Variants in HEMK1 observed in about 807,000 individuals in gnomAD.
HEMK1 encodes the protein MTRF1L release factor glutamine methyltransferase.
A neutral mutation model predicts 47.9 loss-of-function variants in HEMK1; 36 were observed. The ratio of observed to expected loss-of-function variants is 0.75; its 90% CI spans 0.58 to 0.99. The LOEUF (loss-of-function observed/expected upper bound fraction) is 0.99. Ranked by LOEUF, HEMK1 falls within the 50% of genes least tolerant of loss-of-function variation. HEMK1 has a pLI of 0.00. For synonymous variants in HEMK1, 153 were observed against 165.4 expected, an observed-to-expected ratio of 0.93 and a Z score of 0.57; for missense variants, 383 against 434.5, an observed-to-expected ratio of 0.88 and a Z score of 1.05.
rs758808984 is a variant in HEMK1 at position 50,594,735 on chromosome 3, C to T, written c.*14318C>T. 2 of 152,222 alleles carry T rather than the reference C, an allele frequency of 1.3e-5. No homozygotes were observed. Among genetic ancestry groups the T allele is most frequent in the Admixed American group, 6.5e-5 (1 of 15,290 alleles). The allele number at this position is 152,222 out of a possible 1,614,324, so 9.4% of individuals were successfully genotyped here. A position where few individuals can be genotyped will look rare whatever the true frequency, so the allele number is the denominator to read the frequency against. On this transcript the variant is annotated 3_prime_UTR_variant, in exon 11 of 11. Transcript: ENST00000232854. ...TCCCTCACCCCTTGGGTGGGACAAC[C>T]GTGGCTTGTGTTTTCTGCCAGCTCC...
rs1312015057 is a variant in HEMK1 at position 50,587,165 on chromosome 3, GGCTGTCCCCT to G, written c.*6751_*6760del. ...CTGAGGCCAGCATAACTAGGTCCTGGGCTGTCCCCTGCAGAGCTTAGCGCAGAAGTTACCT... is the reference window on the plus strand; with the variant it reads ...CTGAGGCCAGCATAACTAGGTCCTGGGCAGAGCTTAGCGCAGAAGTTACCT... On this transcript the variant is annotated 3_prime_UTR_variant, in exon 11 of 11. Transcript: ENST00000232854. The surrounding 1 kb of genome is among the most constrained non-coding windows in gnomAD (Gnocchi z 4.2). 1 of 152,182 alleles carries G rather than the reference GGCTGTCCCCT, an allele frequency of 6.6e-6. No individual in the cohort carries two copies. The highest frequency in any genetic ancestry group is 2.4e-5 in the African/African-American group (1 of 41,402). The allele number at this position is 152,182 out of a possible 1,614,324, so 9.4% of individuals were successfully genotyped here.
chr3:50,581,967 C>A lies in HEMK1; in HGVS notation c.*1550C>A. On this transcript the variant is annotated 3_prime_UTR_variant, in exon 11 of 11. Coordinates refer to ENST00000232854, the MANE Select transcript of HEMK1 (RefSeq NM_016173.5). ...AAGGGGGTGCACAACCAGGGCAAGG[C>A]TCCCCACTTCCTTAGTCCCCCATGC... The A allele has an allele frequency of 6.6e-6, 1 of 152,480 alleles. No homozygotes were observed. Among genetic ancestry groups the A allele is most frequent in the Non-Finnish European group, 1.5e-5 (1 of 68,138 alleles). The allele number at this position is 152,480 out of a possible 1,614,324, so 9.4% of individuals were successfully genotyped here.
At position 50,571,739 on chromosome 3, in the gene HEMK1, C is replaced by T. The variant is rs1421967548; in HGVS notation, c.258C>T (p.Thr86=). The change falls in exon 3 of 11, where the codon ACC becomes ACT. Residue 86 remains threonine (T), a synonymous_variant. Transcript: ENST00000232854. The part of the protein sequence containing the change: ...TFQSLRPALW[T]QPLTSQQLQC... ...AGAGCCTGAGGCCGGCACTTTGGAC[C>T]CAGCCCTTGACCTCTCAGCAACTAC... 6.2e-7 allele frequency: 1 copy of T among 1,614,166 alleles called. No homozygotes were observed. The highest frequency in any genetic ancestry group is 1.1e-5 in the South Asian group (1 of 91,078).
chr3:50,570,048 G>C (rs1489904542), intron 1 of HEMK1: 1 of 152,142 alleles, frequency 6.6e-6, no homozygotes, highest in Admixed American at 6.5e-5. Flanking sequence ...CACCATGCTG[G>C]CCAGGCTGGT....
Position 50,586,463 on chromosome 3 carries a change from G to A in HEMK1, c.*6046G>A, listed in dbSNP as rs2031371495. ...ACAGCTTAGAGTAGCCATGCCCCGT[G>A]GCAGGCAGGCCTGGCTAAGTGGCCC... On this transcript the variant is annotated 3_prime_UTR_variant, in exon 11 of 11. Coordinates refer to ENST00000232854, the MANE Select transcript of HEMK1 (RefSeq NM_016173.5). The A allele has an allele frequency of 6.6e-6, 1 of 152,318 alleles. No individual in the cohort carries two copies. The highest frequency in any genetic ancestry group is 1.5e-5 in the Non-Finnish European group (1 of 68,102). The allele number at this position is 152,318 out of a possible 1,614,324, so 9.4% of individuals were successfully genotyped here. A position where few individuals can be genotyped will look rare whatever the true frequency, so the allele number is the denominator to read the frequency against.
In HEMK1 at chr3:50,591,251, A is replaced by T. The variant is rs1259137322; in HGVS notation, c.*10834A>T. ...ACCTGCAGGCCCATCATTCCTGCAC[A>T]GTCATTTATTAGGCACCAACTGTAA... On this transcript the variant is annotated 3_prime_UTR_variant, in exon 11 of 11. Transcript: ENST00000232854. 1 of 152,200 alleles carries T rather than the reference A, an allele frequency of 6.6e-6. No homozygotes were observed. The highest frequency in any genetic ancestry group is 2.4e-5 in the African/African-American group (1 of 41,452). 9.4% of individuals were successfully genotyped at this position (152,200 alleles called of 1,614,324 possible). A position where few individuals can be genotyped will look rare whatever the true frequency, so the allele number is the denominator to read the frequency against.
At chr3:50,569,983 GGT>G (rs1357597905) in intron 1 of HEMK1, 2 of 152,234 alleles carry the variant, frequency 1.3e-5, no homozygotes, top group Non-Finnish European at 2.9e-5. Context: ...TGGGACTACA[GGT>G]GCGCGTCAGT....
In HEMK1 at chr3:50,580,039, C is replaced by T. The variant is rs987858597; in HGVS notation, c.867-77C>T. 5.9e-6 allele frequency: 9 copies of T among 1,528,962 alleles called. No homozygotes were observed. The African/African-American group carries it at 8.2e-5, about 14-fold the overall frequency. The allele number at this position is 1,528,962 out of a possible 1,614,324, so 94.7% of individuals were successfully genotyped here. ...GGCAGAGGTCAGCACAGGACCCTCA[C>T]CTCGCCAGCCCAAGCAGCCCAGAAG... On this transcript the variant is annotated intron_variant, in intron 9 of 10. Coordinates refer to ENST00000232854, the MANE Select transcript of HEMK1 (RefSeq NM_016173.5).
In HEMK1 at chr3:50,575,410, G is replaced by A. The variant is rs533819381; in HGVS notation, c.415-1642G>A. On this transcript the variant is annotated intron_variant, in intron 4 of 10. Transcript: ENST00000232854. ...TGTACTCCAGCCTGGGCAACAGAGCGAAACTCTGTCTCAAAAAAAAAAAGA... is the reference window on the plus strand; with the variant it reads ...TGTACTCCAGCCTGGGCAACAGAGCAAAACTCTGTCTCAAAAAAAAAAAGA... Among the ~76,000 whole-genome samples, 4 of 150,548 alleles carry A rather than the reference G, an allele frequency of 2.7e-5. No individual in the cohort carries two copies. In the South Asian group the frequency reaches 8.4e-4, roughly 31 times the overall value.
At chr3:50,577,457 C>T in intron 5 of HEMK1, 52 bp from the exon 6 acceptor site, 4 of 1,558,498 alleles carry the variant, frequency 2.6e-6, no homozygotes, top group Non-Finnish European at 2.7e-6. Flanking sequence ...CAGTATCTTC[C>T]AGCATCTCTC....
chr3:50,578,575 A>G (rs1052089611), intron 7 of HEMK1, among the ~76,000 whole-genome samples: 1 of 152,234 alleles, frequency 6.6e-6, no homozygotes, highest in Non-Finnish European at 1.5e-5. Flanking sequence ...GTCTTGCATA[A>G]TAAGGAGGAT....
At chr3:50,579,212 A>G (rs1279023118) in intron 8 of HEMK1, among the ~76,000 whole-genome samples, 1 of 152,240 alleles carries the variant, frequency 6.6e-6, no homozygotes, top group African/African-American at 2.4e-5. Flanking sequence ...GGGAGGACTC[A>G]GTGACGACTT....
Position 50,572,147 on chromosome 3 carries a change from A to G in HEMK1, c.353A>G (p.Asp118Gly). The G allele has an allele frequency of 6.2e-7, 1 of 1,613,906 alleles. No homozygotes were observed. Among genetic ancestry groups the G allele is most frequent in the African/African-American group, 1.3e-5 (1 of 74,994 alleles). ...MPVQYILGEW[D>G]FQGLSLRMVP... ...GTGCAGTACATCCTTGGAGAGTGGG[A>G]CTTCCAGGGGCTCAGCCTAAGGATG... Residue 118 changes from aspartate to glycine, a missense_variant, in exon 4 of 11, where the codon GAC (aspartate) becomes GGC (glycine). Physicochemically the swap from Asp to Gly is moderately conservative, Grantham distance 94. Transcript: ENST00000232854.
intron 3 of HEMK1, 27 bp downstream of exon 3, chr3:50,571,828 G>A (rs1452910067): frequency 1.3e-6 from 2 of 1,594,750 alleles, no homozygotes; most frequent in South Asian, 1.1e-5. Flanking sequence ...CAGACCTGAA[G>A]GATGTGTTCA....
chr3:50,580,225 G>A lies in HEMK1; in HGVS notation c.976G>A (p.Gly326Arg). The A allele has an allele frequency of 6.2e-7, 1 of 1,613,838 alleles. No individual in the cohort carries two copies. Among genetic ancestry groups the A allele is most frequent in the Non-Finnish European group, 8.5e-7 (1 of 1,179,722 alleles). ...NLVAVRRDFC[G>R]RPRFLHIRRS... ...TGTGGCTGTGCGCAGGGACTTCTGTGGGAGGTAAGATCCTAGCCCCCTTTA... is the reference window on the plus strand; with the variant it reads ...TGTGGCTGTGCGCAGGGACTTCTGTAGGAGGTAAGATCCTAGCCCCCTTTA... Residue 326 changes from glycine (G) to arginine (R), a missense_variant, in exon 10 of 11, where the codon GGG (glycine) becomes AGG (arginine). Physicochemically the swap from Gly to Arg is moderately radical, Grantham distance 125 (BLOSUM62 -2). Transcript: ENST00000232854.
chr3:50,577,002 C>G, intron 4 of HEMK1, 50 bp from the exon 5 acceptor site: 4 of 1,609,572 alleles, frequency 2.5e-6, no homozygotes, highest in Non-Finnish European at 3.4e-6. Flanking sequence ...ACCAAGACCC[C>G]CAGGAGCCAC....
intron 10 of HEMK1, 69 bp from the exon 11 acceptor site, chr3:50,580,312 T>G: frequency 6.2e-7 from 1 of 1,607,100 alleles, no homozygotes; most frequent in Non-Finnish European, 8.5e-7. Context: ...CAGGAGAGTG[T>G]GCTGTTCCCA....
chr3:50,571,354 A>G, intron 2 of HEMK1, 22 bp downstream of exon 2: 1 of 1,529,190 alleles, frequency 6.5e-7, no homozygotes, highest in African/African-American at 1.4e-5. Flanking sequence ...TGTTGTCAAG[A>G]GGACAGGAAG....
intron 4 of HEMK1, among the ~76,000 whole-genome samples, chr3:50,575,377 C>T (rs1392616502): frequency 6.6e-6 from 1 of 151,622 alleles, no homozygotes; most frequent in Admixed American, 6.6e-5. Flanking sequence ...GAGCCAAGAT[C>T]GCGCCATTGT....
Sources: gnomAD v4.1 joint callset for allele counts (sites outside exome capture counted in the v4.1 genomes callset) on GRCh38, gnomAD v4.1.1 for gene constraint, Gnocchi (gnomAD v3.1) non-coding constraint, MANE v1.5 for transcripts, NCBI Gene and HGNC (gene_info 2026-07-23, HGNC 2026-07-21) for gene names.